The following BABAM2 variants were observed in gnomAD, a reference collection of about 807,000 sequenced individuals.
BABAM2 encodes the protein BRISC and BRCA1 A complex member 2, also known as BRISC and BRCA1-A complex member 2.
In BABAM2, 31 loss-of-function variants were observed where a neutral mutation model predicts 54.7. The observed-to-expected ratio is 0.57, with a 90% CI of 0.43 to 0.77. The LOEUF (loss-of-function observed/expected upper bound fraction) is 0.77, where lower values mean the gene tolerates loss of function less well. BABAM2 is among the 30% of genes least tolerant of loss of function. The pLI is 0.00. For synonymous variants in BABAM2, 167 were observed against 162.9 expected (o/e 1.03, Z -0.19); for missense variants, 364 against 455.8 (o/e 0.80, Z 1.83).
intron 4 of BABAM2, among the ~76,000 whole-genome samples, chr2:28,003,568 CGACA>C (rs779121417): frequency 3.4e-4 from 51 of 151,988 alleles, no homozygotes; most frequent in Non-Finnish European, 6.6e-4. Flanking sequence ...CCAGCTTGAG[CGACA>C]GAGTGAGACC....
At chr2:27,981,081 G>A (rs186175688) in intron 3 of BABAM2, among the ~76,000 whole-genome samples, 12 of 152,018 alleles carry the variant, frequency 7.9e-5, no homozygotes, top group African/African-American at 2.2e-4. Context: ...TTATCCAGTC[G>A]TGTCCATTAA....
intron 2 of BABAM2, among the ~76,000 whole-genome samples, chr2:27,908,269 AT>A (rs1312618964): frequency 1.4e-4 from 21 of 147,648 alleles, no homozygotes; most frequent in African/African-American, 2.2e-4. Context: ...TTTAAAAACA[AT>A]TTTTTTTTTT....
chr2:28,278,496 G>C (rs1686063001), intron 10 of BABAM2, among the ~76,000 whole-genome samples: 1 of 152,208 alleles, frequency 6.6e-6, no homozygotes, highest in South Asian at 2.1e-4. Context: ...TCCTAGCTAG[G>C]GTAGCTAAGG....
intron 10 of BABAM2, among the ~76,000 whole-genome samples, chr2:28,277,220 C>T (rs891080292): frequency 1.3e-5 from 2 of 152,176 alleles, no homozygotes; most frequent in Non-Finnish European, 1.5e-5. Context: ...ATTCTCCTGC[C>T]TCAGCTTCCC....
chr2:28,244,434 A>G (rs1259565134), intron 9 of BABAM2, among the ~76,000 whole-genome samples: 2 of 140,928 alleles, frequency 1.4e-5, no homozygotes, highest in Admixed American at 7.8e-5. Context: ...AATAACTCAC[A>G]TTTGTATAGT....
chr2:27,970,579 A>G (rs1671138450), intron 3 of BABAM2, among the ~76,000 whole-genome samples: 1 of 152,186 alleles, frequency 6.6e-6, no homozygotes, highest in Non-Finnish European at 1.5e-5. Flanking sequence ...ATATCTCCCA[A>G]GAAAAGAACA....
intron 3 of BABAM2, among the ~76,000 whole-genome samples, chr2:27,985,978 G>A (rs926999895): frequency 2.6e-5 from 4 of 152,058 alleles, no homozygotes; most frequent in Non-Finnish European, 5.9e-5. Context: ...GATTTATTAG[G>A]GTAGGCTTCA....
At chr2:28,327,200 G>A in intron 11 of BABAM2, 1 of 1,488,830 alleles carries the variant, frequency 6.7e-7, no homozygotes, top group Non-Finnish European at 9.0e-7. Context: ...GAGCCCATTA[G>A]GACTACCCTG....
At chr2:28,108,832 C>T (rs1257235502) in intron 6 of BABAM2, among the ~76,000 whole-genome samples, 3 of 151,426 alleles carry the variant, frequency 2.0e-5, no homozygotes, top group Non-Finnish European at 4.4e-5. Flanking sequence ...AGAATGATGT[C>T]GTGAAAAAAA....
chr2:28,019,271 T>C (rs1675079976), intron 4 of BABAM2, among the ~76,000 whole-genome samples: 1 of 152,220 alleles, frequency 6.6e-6, no homozygotes, highest in African/African-American at 2.4e-5. Context: ...TTGGATTGGT[T>C]CCAAGTCTTT....
At chr2:28,019,595 TA>T (rs1462352279) in intron 4 of BABAM2, among the ~76,000 whole-genome samples, 4 of 152,226 alleles carry the variant, frequency 2.6e-5, no homozygotes, top group Admixed American at 6.5e-5. Flanking sequence ...GGGTTTTTCC[TA>T]TGTTATCTTA....
At chr2:28,244,392 T>G (rs1157891855) in intron 9 of BABAM2, among the ~76,000 whole-genome samples, 1 of 152,248 alleles carries the variant, frequency 6.6e-6, no homozygotes, top group East Asian at 1.9e-4. Context: ...TGACTTGATT[T>G]CTTAATATGT....
chr2:28,127,908 G>A (rs1669704626), intron 6 of BABAM2, among the ~76,000 whole-genome samples: 1 of 151,280 alleles, frequency 6.6e-6, no homozygotes, highest in Middle Eastern at 3.4e-3. Flanking sequence ...CCGGGTTCAT[G>A]CCATTCTCCT....
At chr2:27,982,988 TATCTCTG>T (rs566508625) in intron 3 of BABAM2, among the ~76,000 whole-genome samples, 40 of 152,156 alleles carry the variant, frequency 2.6e-4, no homozygotes, top group African/African-American at 8.9e-4. Flanking sequence ...TGTGTGCAAA[TATCTCTG>T]ATAATCTCCT....
rs74810045 is a variant in BABAM2, at chr2:28,082,919, C to G, written c.570+37120C>G. 2.2e-3 allele frequency among the ~76,000 whole-genome samples: 333 copies of G among 152,242 alleles called. 2 individuals carry two copies. The highest frequency in any genetic ancestry group is 3.7e-3 in the Non-Finnish European group (249 of 68,018). Reference sequence around the variant, plus strand: ...TAATAATTTGTCCACATGCACCACTCTTTTCAGTAATCATTGCTGACTCTG... The same window carrying G: ...TAATAATTTGTCCACATGCACCACTGTTTTCAGTAATCATTGCTGACTCTG... On this transcript the variant is annotated intron_variant, in intron 6 of 11. Coordinates refer to ENST00000379624, the MANE Select transcript of BABAM2 (RefSeq NM_199191.3).
chr2:27,963,469 C>CAAAAAAAAAAAAA (rs760525051), intron 3 of BABAM2, among the ~76,000 whole-genome samples: 60 of 54,322 alleles, frequency 1.1e-3, no homozygotes, highest in Non-Finnish European at 1.3e-3. Context: ...GACTCTTTCT[C>CAAAAAAAAAAAAA]AAAAAAAAAA....
intron 7 of BABAM2, among the ~76,000 whole-genome samples, chr2:28,147,677 G>T (rs1192235551): frequency 6.6e-6 from 1 of 152,118 alleles, no homozygotes. Flanking sequence ...GTTTCACTGT[G>T]TTAGCCAGGA....
chr2:27,909,664 G>T (rs913021809), intron 2 of BABAM2, among the ~76,000 whole-genome samples: 4 of 152,130 alleles, frequency 2.6e-5, no homozygotes, highest in Non-Finnish European at 4.4e-5. Flanking sequence ...CCCTAGAAAG[G>T]TCAGAAAAGG....
intron 3 of BABAM2, among the ~76,000 whole-genome samples, chr2:27,969,154 GC>G (rs1671035419): frequency 6.6e-6 from 1 of 152,158 alleles, no homozygotes; most frequent in Non-Finnish European, 1.5e-5. Context: ...CTGTTTGCCT[GC>G]TGCCATCCAT....
Sources: allele counts gnomAD v4.1 joint callset (sites outside exome capture counted in the v4.1 genomes callset), GRCh38; gene constraint gnomAD v4.1.1; transcripts MANE v1.5; gene names NCBI Gene and HGNC (gene_info 2026-07-23, HGNC 2026-07-21).